The following CRACDL variants were observed in gnomAD, a reference collection of about 807,000 sequenced individuals.
The protein encoded by CRACDL is CRACD like.
A neutral mutation model predicts 70.6 loss-of-function variants in CRACDL; 26 were observed. That is an observed-to-expected ratio of 0.37 (90% CI 0.27 to 0.51). The LOEUF (loss-of-function observed/expected upper bound fraction) is 0.51. Among genes scored for constraint, CRACDL ranks in the 20% least tolerant of loss-of-function variants. The pLI, the probability that CRACDL is intolerant of heterozygous loss-of-function variation, is 0.94. For synonymous variants in CRACDL, 618 were observed against 615.2 expected, an observed-to-expected ratio of 1.00 and a Z score of -0.07; for missense variants, 1,283 against 1,376.9, an observed-to-expected ratio of 0.93 and a Z score of 1.08.
chr2:98,881,976 G>C (rs982361469), intron 1 of CRACDL, among the ~76,000 whole-genome samples: 3 of 152,194 alleles, frequency 2.0e-5, no homozygotes, highest in African/African-American at 7.2e-5. Context: ...TCTAATCCTG[G>C]GGGAGGACCT....
At chr2:98,821,147 TG>T (rs1290357414) in intron 7 of CRACDL, among the ~76,000 whole-genome samples, 1 of 152,216 alleles carries the variant, frequency 6.6e-6, no homozygotes, top group Non-Finnish European at 1.5e-5. Context: ...TGCAAAATCC[TG>T]GTATTTATTT....
intron 1 of CRACDL, among the ~76,000 whole-genome samples, chr2:98,861,319 C>T (rs1277265248): frequency 2.6e-5 from 4 of 152,214 alleles, no homozygotes; most frequent in East Asian, 1.9e-4. Context: ...TGCACTCCAG[C>T]GTGGGTGACA....
At position 98,907,636 on chromosome 2, in the gene CRACDL, C is replaced by G. The variant is rs185414147; in HGVS notation, c.-11+28302G>C. Among the ~76,000 whole-genome samples, 69 of 152,310 alleles carry G rather than the reference C, an allele frequency of 4.5e-4. 1 individual carries two copies. In the East Asian group the frequency reaches 8.1e-3, roughly 18 times the overall value. On this transcript the variant is annotated intron_variant, in intron 1 of 9. Transcript: ENST00000397899. ...CTTGTACCTTGGTTTTGAAGGCACT[C>G]CCAGACAGAAAGCCAGAGTGAATGT...
At chr2:98,795,341 G>T (rs1346740919) in intron 9 of CRACDL, among the ~76,000 whole-genome samples, 2 of 151,880 alleles carry the variant, frequency 1.3e-5, no homozygotes, top group South Asian at 4.2e-4. Context: ...CTCCCAAAGT[G>T]CTGGGATTAC....
At chr2:98,797,688 T>C in intron 7 of CRACDL, 151 bp from the exon 8 acceptor site, 1 of 667,462 alleles carries the variant, frequency 1.5e-6, no homozygotes, top group Non-Finnish European at 2.5e-6. Flanking sequence ...TTTGTTTTCT[T>C]ATTAAAGATG....
chr2:98,929,791 T>C (rs1277012643), intron 1 of CRACDL, among the ~76,000 whole-genome samples: 1 of 150,506 alleles, frequency 6.6e-6, no homozygotes, highest in Non-Finnish European at 1.5e-5. Context: ...AATGGGTGAA[T>C]CTCATAGGAT....
chr2:98,921,148 T>C (rs894939492), intron 1 of CRACDL, among the ~76,000 whole-genome samples: 1 of 152,174 alleles, frequency 6.6e-6, no homozygotes, highest in Admixed American at 6.5e-5. Flanking sequence ...GTCTTGGAAA[T>C]CAAGTCTGCC....
At chr2:98,819,355 T>G (rs1704926983) in intron 7 of CRACDL, among the ~76,000 whole-genome samples, 1 of 151,778 alleles carries the variant, frequency 6.6e-6, no homozygotes, top group Non-Finnish European at 1.5e-5. Context: ...GCCATGAAGG[T>G]CAGGGTTTCA....
intron 1 of CRACDL, among the ~76,000 whole-genome samples, chr2:98,902,414 T>C (rs760736113): frequency 1.2e-4 from 19 of 152,076 alleles, no homozygotes; most frequent in Admixed American, 2.0e-4. Context: ...ACCTTTCCCT[T>C]GAGGACTCCA....
intron 1 of CRACDL, among the ~76,000 whole-genome samples, chr2:98,934,006 G>A (rs554476286): frequency 1.4e-4 from 21 of 152,108 alleles, no homozygotes; most frequent in African/African-American, 3.4e-4. Flanking sequence ...AGCTCCTTGC[G>A]CTTCTTTTAT....
chr2:98,827,277 C>A, intron 5 of CRACDL, 108 bp from the exon 6 acceptor site: 1 of 747,814 alleles, frequency 1.3e-6, no homozygotes. Flanking sequence ...CCCACACTGT[C>A]TCTGGCTTTA....
chr2:98,835,836 C>G (rs1003916141), intron 3 of CRACDL, among the ~76,000 whole-genome samples: 1 of 152,132 alleles, frequency 6.6e-6, no homozygotes, highest in Non-Finnish European at 1.5e-5. Flanking sequence ...CACTTTGTGA[C>G]AAAATAACAG....
intron 1 of CRACDL, among the ~76,000 whole-genome samples, chr2:98,895,043 T>C (rs1319919388): frequency 6.6e-6 from 1 of 152,098 alleles, no homozygotes; most frequent in Non-Finnish European, 1.5e-5. Flanking sequence ...CCTGGGAGAT[T>C]GAGGCTTCAG....
chr2:98,893,572 C>T (rs1708035671), intron 1 of CRACDL, among the ~76,000 whole-genome samples: 1 of 152,204 alleles, frequency 6.6e-6, no homozygotes, highest in South Asian at 2.1e-4. Flanking sequence ...GCATTAGCCA[C>T]TGCACCCCGC....
In CRACDL at chr2:98,827,001, A is replaced by G; in HGVS notation, c.709T>C (p.Ser237Pro). 3.1e-6 allele frequency: 5 copies of G among 1,613,640 alleles called. No individual in the cohort carries two copies. The highest frequency in any genetic ancestry group is 4.2e-6 in the Non-Finnish European group (5 of 1,179,838). The change falls in exon 6 of 10, where the codon TCG (serine) becomes CCG (proline). Residue 237 changes from serine (S) to proline (P), a missense_variant. Physicochemically the swap from Ser to Pro is moderately conservative, Grantham distance 74. Coordinates refer to ENST00000397899, the MANE Select transcript of CRACDL (RefSeq NM_207362.3). ...GATGAGAGCCGCCTCATCTTACTCGACCGCTGGTTGCGGGGCTTGACCTGG... is the reference window on the plus strand; with the variant it reads ...GATGAGAGCCGCCTCATCTTACTCGGCCGCTGGTTGCGGGGCTTGACCTGG... ...KLQVKPRNQR[S>P]SKMRRLSSRA...
intron 1 of CRACDL, among the ~76,000 whole-genome samples, chr2:98,861,445 T>C (rs1706932811): frequency 6.6e-6 from 1 of 152,192 alleles, no homozygotes; most frequent in East Asian, 1.9e-4. Flanking sequence ...GTTGCAAGGA[T>C]GTGAGGAAAC....
intron 1 of CRACDL, among the ~76,000 whole-genome samples, chr2:98,873,025 T>C (rs1707390877): frequency 6.6e-6 from 1 of 152,204 alleles, no homozygotes; most frequent in Non-Finnish European, 1.5e-5. Context: ...GTAAATAGAC[T>C]GGGATTTGGG....
rs1393894514 is a variant in CRACDL at position 98,822,988 on chromosome 2, C to T, written c.1285G>A (p.Asp429Asn). The T allele has an allele frequency of 6.7e-7, 1 of 1,492,006 alleles. No individual in the cohort carries two copies. Among genetic ancestry groups the T allele is most frequent in the Non-Finnish European group, 8.9e-7 (1 of 1,120,602 alleles). The allele number at this position is 1,492,006 out of a possible 1,614,324, so 92.4% of individuals were successfully genotyped here. ...TTCGGGACACTGCGTTCTGGCCCGT[C>T]GCGAGCAGAGGGCGCCTCTGAGGTG... ...AATSEAPSAR[D>N]GPERSVPKEA... The change falls in exon 7 of 10, where the codon GAC becomes AAC. Residue 429 changes from aspartate (D) to asparagine (N), a missense_variant. Coordinates refer to ENST00000397899, the MANE Select transcript of CRACDL (RefSeq NM_207362.3). The surrounding 1 kb of genome is among the most constrained non-coding windows in gnomAD (Gnocchi z 4.9).
At chr2:98,805,547 C>T (rs1279470118) in intron 7 of CRACDL, among the ~76,000 whole-genome samples, 5 of 152,188 alleles carry the variant, frequency 3.3e-5, no homozygotes, top group African/African-American at 1.2e-4. Context: ...CCCTCATCCA[C>T]ACAATCTCCC....
Sources: allele counts gnomAD v4.1 joint callset (sites outside exome capture counted in the v4.1 genomes callset), GRCh38; gene constraint gnomAD v4.1.1; non-coding constraint Gnocchi (gnomAD v3.1); transcripts MANE v1.5; gene names NCBI Gene and HGNC (gene_info 2026-07-23, HGNC 2026-07-21).